Variants in COLGALT2 observed in about 807,000 individuals in gnomAD.
COLGALT2 encodes the protein collagen beta(1-O)galactosyltransferase 2.
In COLGALT2, 49 loss-of-function variants were observed where a neutral mutation model predicts 73.4. The ratio of observed to expected loss-of-function variants is 0.67; its 90% CI spans 0.53 to 0.85. The LOEUF is 0.85. Ranked by LOEUF, COLGALT2 falls within the 40% of genes least tolerant of loss-of-function variation. The pLI is 0.00. For synonymous variants in COLGALT2, 295 were observed against 307.6 expected, an observed-to-expected ratio of 0.96 and a Z score of 0.43; for missense variants, 722 against 790.2, an observed-to-expected ratio of 0.91 and a Z score of 1.03.
downstream of COLGALT2, among the ~76,000 whole-genome samples, chr1:183,932,243 C>G (rs1245329424): frequency 6.6e-6 from 1 of 152,156 alleles, no homozygotes; most frequent in Non-Finnish European, 1.5e-5. Flanking sequence ...CGGTCTGACT[C>G]CCAGGCCACT....
At chr1:184,033,680 T>C (rs1205659027) in intron 1 of COLGALT2, among the ~76,000 whole-genome samples, 3 of 152,260 alleles carry the variant, frequency 2.0e-5, no homozygotes, top group African/African-American at 7.2e-5. Context: ...ATTTCATCTG[T>C]ATGTGCAGTG....
chr1:183,959,998 T>C (rs150136340), intron 6 of COLGALT2, among the ~76,000 whole-genome samples: 19 of 152,334 alleles, frequency 1.2e-4, no homozygotes, highest in African/African-American at 2.2e-4. Flanking sequence ...ATATTGTCTA[T>C]TGTCTAACTC....
chr1:183,964,290 G>A, intron 5 of COLGALT2: 1 of 416,084 alleles, frequency 2.4e-6, no homozygotes, highest in Non-Finnish European at 4.2e-6. Context: ...TCATGGCCTG[G>A]AATGAACAAA....
intron 5 of COLGALT2, among the ~76,000 whole-genome samples, chr1:183,968,271 C>G (rs1007115527): frequency 3.9e-5 from 6 of 152,172 alleles, no homozygotes; most frequent in African/African-American, 1.4e-4. Flanking sequence ...CTGAATTATC[C>G]TAACAAAGCT....
intron 1 of COLGALT2, among the ~76,000 whole-genome samples, chr1:184,028,900 G>A (rs1171950991): frequency 6.6e-6 from 1 of 152,136 alleles, no homozygotes; most frequent in Non-Finnish European, 1.5e-5. Context: ...ACAAGTCAGG[G>A]GACAGGCCTT....
rs962402854 is a variant in COLGALT2, at chr1:183,944,242, T to C, written c.1351A>G (p.Lys451Glu). Residue 451 changes from lysine (K) to glutamate (E), a missense_variant, in exon 10 of 12, where the codon AAG (lysine) becomes GAG (glutamate). Lys to Glu is a moderately conservative substitution (Grantham distance 56, BLOSUM62 1). Transcript: ENST00000361927. ...FEHQFKKKLM[K>E]LMDNIDQAQL... ...GCCTGGTCAATGTTATCCATCAGCTTCATCAGCTTCTTCTTAAACTGATGC... is the reference window on the plus strand; with the variant it reads ...GCCTGGTCAATGTTATCCATCAGCTCCATCAGCTTCTTCTTAAACTGATGC... 1.2e-6 allele frequency: 2 copies of C among 1,614,024 alleles called. No homozygotes were observed. The highest frequency in any genetic ancestry group is 2.7e-5 in the African/African-American group (2 of 75,054).
At chr1:183,996,238 C>T (rs1283273327) in intron 1 of COLGALT2, among the ~76,000 whole-genome samples, 1 of 152,094 alleles carries the variant, frequency 6.6e-6, no homozygotes, top group Non-Finnish European at 1.5e-5. Context: ...TCTGATAAAC[C>T]CTCAGGGAAA....
Position 184,037,513 on chromosome 1 carries a change from G to A in COLGALT2, c.-156C>T. 8.6e-7 allele frequency: 1 copy of A among 1,156,736 alleles called. No individual in the cohort carries two copies. The highest frequency in any genetic ancestry group is 1.1e-6 in the Non-Finnish European group (1 of 941,118). 71.7% of individuals were successfully genotyped at this position (1,156,736 alleles called of 1,614,324 possible). On this transcript the variant is annotated 5_prime_UTR_variant, in exon 1 of 12. Transcript: ENST00000361927. The stretch of plus-strand genomic sequence containing the variant: ...GCCGGCTCACACACTGGCCTCGGCG[G>A]CTGCGGTTCCCAGGACCCTCCCGCC...
downstream of COLGALT2, among the ~76,000 whole-genome samples, chr1:183,931,167 C>T (rs1572620491): frequency 6.6e-6 from 1 of 152,136 alleles, no homozygotes; most frequent in Middle Eastern, 3.4e-3. Flanking sequence ...TCAAACCCCA[C>T]TCTGAGCATA....
Position 183,978,491 on chromosome 1 carries a change from G to T in COLGALT2, c.293C>A (p.Thr98Lys). The T allele has an allele frequency of 6.2e-7, 1 of 1,610,276 alleles. No homozygotes were observed. Among genetic ancestry groups the T allele is most frequent in the South Asian group, 1.1e-5 (1 of 90,942 alleles). Residue 98 changes from threonine (T) to lysine (K), a missense_variant, in exon 2 of 12, where the codon ACA (threonine) becomes AAA (lysine). Thr to Lys is a moderately conservative substitution (Grantham distance 78). Transcript: ENST00000361927. ...WAATDHNVDNTTEIFREWLKN... is the reference protein window; with the variant it reads ...WAATDHNVDNKTEIFREWLKN... ...CAACCACTCCCTGAATATTTCTGTTGTATTATCCACATTGTGATCAGTGGC... is the reference window on the plus strand; with the variant it reads ...CAACCACTCCCTGAATATTTCTGTTTTATTATCCACATTGTGATCAGTGGC...
intron 11 of COLGALT2, among the ~76,000 whole-genome samples, chr1:183,930,569 C>CTTTCTTTTTTTTT (rs1669822947): frequency 8.8e-6 from 1 of 114,066 alleles, no homozygotes; most frequent in African/African-American, 3.4e-5. Flanking sequence ...TTTTCTTTTT[C>CTTTCTTTTTTTTT]TTTTTTTTTT....
downstream of COLGALT2, among the ~76,000 whole-genome samples, chr1:183,933,396 C>G (rs1646516438): frequency 6.6e-6 from 1 of 152,232 alleles, no homozygotes; most frequent in African/African-American, 2.4e-5. Flanking sequence ...GTCCCTTGCA[C>G]TCAACTCTGC....
chr1:184,030,290 C>A (rs1029270120), intron 1 of COLGALT2, among the ~76,000 whole-genome samples: 1 of 152,100 alleles, frequency 6.6e-6, no homozygotes, highest in Non-Finnish European at 1.5e-5. Flanking sequence ...AGAATACATA[C>A]GTTTTGTAAT....
chr1:183,980,105 T>C (rs900617070), intron 1 of COLGALT2, among the ~76,000 whole-genome samples: 4 of 151,940 alleles, frequency 2.6e-5, no homozygotes, highest in Non-Finnish European at 5.9e-5. Flanking sequence ...AATTTTGGGA[T>C]ACAATTAAAG....
intron 1 of COLGALT2, among the ~76,000 whole-genome samples, chr1:184,007,535 GTAATTTTCAAACGA>G (rs1345719197): frequency 6.6e-6 from 1 of 152,058 alleles, no homozygotes; most frequent in Non-Finnish European, 1.5e-5. Context: ...GGAAACTGAA[GTAATTTTCAAACGA>G]TACATAATAC....
At chr1:183,944,593 G>A (rs1670200214) in intron 9 of COLGALT2, among the ~76,000 whole-genome samples, 1 of 152,234 alleles carries the variant, frequency 6.6e-6, no homozygotes, top group African/African-American at 2.4e-5. Flanking sequence ...ATTCATATAA[G>A]GGAAAGTACA....
At chr1:183,976,292 G>A (rs1222963910) in intron 2 of COLGALT2, among the ~76,000 whole-genome samples, 1 of 151,554 alleles carries the variant, frequency 6.6e-6, no homozygotes, top group African/African-American at 2.4e-5. Context: ...AGACTTCACT[G>A]TTAAATTTTG....
chr1:183,963,962 C>T lies in COLGALT2; in HGVS notation c.891G>A (p.Lys297=), dbSNP rs753146234. ...EHYGYLPIPL[K]PHQTLQEDIE... is the part of the protein sequence containing the mutation. The stretch of plus-strand genomic sequence containing the variant: ...TGTCTTCCTGCAGTGTCTGATGGGG[C>T]TTCAGGGGGATGGGCAGGTAGCCAT... The change falls in exon 6 of 12, where the codon AAG becomes AAA. Residue 297 remains lysine, a synonymous_variant. Transcript: ENST00000361927. The T allele has an allele frequency of 5.6e-6, 9 of 1,613,294 alleles. No homozygotes were observed. Among genetic ancestry groups the T allele is most frequent in the African/African-American group, 4.0e-5 (3 of 74,854 alleles).
chr1:183,973,634 C>G lies in COLGALT2; in HGVS notation c.609G>C (p.Trp203Cys). ...GACTTGCCTTAGGGGTGATTCCGCA[C>G]CAGAAATTAGAATACAGGCCCCGAG... ...LESRGLYSNF[W>C]CGITPKGFYK... The change falls in exon 4 of 12, where the codon TGG becomes TGC. Residue 203 changes from tryptophan (W) to cysteine (C), a missense_variant. Transcript: ENST00000361927. 6.2e-7 allele frequency: 1 copy of G among 1,613,936 alleles called. No individual in the cohort carries two copies. Among genetic ancestry groups the G allele is most frequent in the Non-Finnish European group, 8.5e-7 (1 of 1,179,966 alleles).
Sources: gnomAD v4.1 joint callset for allele counts (sites outside exome capture counted in the v4.1 genomes callset) on GRCh38, gnomAD v4.1.1 for gene constraint, MANE v1.5 for transcripts, NCBI Gene and HGNC (gene_info 2026-07-23, HGNC 2026-07-21) for gene names.